Variants in MET observed in about 807,000 individuals in gnomAD.
The protein encoded by MET is hepatocyte growth factor receptor.
Under a neutral mutation model 133.1 loss-of-function variants are expected in MET, and 48 were observed. That is an observed-to-expected ratio of 0.36 (90% CI 0.29 to 0.46). The LOEUF (loss-of-function observed/expected upper bound fraction) is 0.46. Among genes scored for constraint, MET ranks in the 20% least tolerant of loss-of-function variants. The probability of loss-of-function intolerance (pLI) is 1.00; values close to 1 mark genes in which losing one functional copy is unlikely to be tolerated. For missense variants in MET, 1,442 were observed against 1,695.9 expected, an observed-to-expected ratio of 0.85 and a Z score of 2.63; for synonymous variants, 628 against 616.5, an observed-to-expected ratio of 1.02 and a Z score of -0.28.
chr7:116,735,560 G>A (rs1793179646), intron 3 of MET, among the ~76,000 whole-genome samples: 1 of 152,124 alleles, frequency 6.6e-6, no homozygotes, highest in Non-Finnish European at 1.5e-5. Flanking sequence ...TGGAATTACT[G>A]CCATTTTAGA....
At chr7:116,753,347 C>G (rs1794002906) in intron 5 of MET, among the ~76,000 whole-genome samples, 1 of 152,174 alleles carries the variant, frequency 6.6e-6, no homozygotes, top group South Asian at 2.1e-4. Flanking sequence ...TACAATATGT[C>G]CCCACCCCCA....
intron 1 of MET, among the ~76,000 whole-genome samples, chr7:116,687,483 T>C (rs1459452972): frequency 2.0e-5 from 3 of 152,226 alleles, no homozygotes; most frequent in African/African-American, 7.2e-5. Context: ...CATATACTTT[T>C]AATTCTTCTT....
intron 1 of MET, among the ~76,000 whole-genome samples, chr7:116,681,777 G>C (rs1400061840): frequency 1.3e-5 from 2 of 152,132 alleles, no homozygotes; most frequent in African/African-American, 4.8e-5. Flanking sequence ...ACAACCATCT[G>C]GTTAATACAA....
chr7:116,745,968 G>A (rs553086613), intron 5 of MET, among the ~76,000 whole-genome samples: 1 of 152,130 alleles, frequency 6.6e-6, no homozygotes, highest in Non-Finnish European at 1.5e-5. Context: ...CACAGCAAAA[G>A]AAACTACCAT....
chr7:116,786,571 C>T lies in MET; in HGVS notation c.3798+3102C>T, dbSNP rs143639433. Among the ~76,000 whole-genome samples, 38 of 152,192 alleles carry T rather than the reference C, an allele frequency of 2.5e-4. No individual in the cohort carries two copies. In the East Asian group the frequency reaches 7.0e-3, roughly 28 times the overall value. On this transcript the variant is annotated intron_variant, in intron 19 of 20. Coordinates refer to ENST00000397752, the MANE Select transcript of MET (RefSeq NM_000245.4). The stretch of plus-strand genomic sequence containing the variant: ...CAGAGTCCACTGCTACTCAGTACAC[C>T]AGAAGGGTCTTGGAAGCTGAGTAAC...
chr7:116,719,255 AT>A (rs1158107700), intron 2 of MET, among the ~76,000 whole-genome samples: 7 of 147,492 alleles, frequency 4.7e-5, no homozygotes. Context: ...GATGATGAGC[AT>A]TTTTTCATGT....
chr7:116,737,505 A>T (rs981743946), intron 3 of MET, among the ~76,000 whole-genome samples: 1 of 152,242 alleles, frequency 6.6e-6, no homozygotes, highest in Admixed American at 6.5e-5. Context: ...TAAGAGGTCA[A>T]GCACATGGAT....
chr7:116,788,824 G>A (rs574139717), intron 19 of MET, among the ~76,000 whole-genome samples: 3 of 152,238 alleles, frequency 2.0e-5, no homozygotes, highest in Non-Finnish European at 4.4e-5. Flanking sequence ...CTTGTAGATT[G>A]GGTTTTCTTT....
chr7:116,740,839 C>T lies in MET; in HGVS notation c.1528-13C>T, dbSNP rs751613983. 8 of 1,613,908 alleles carry T rather than the reference C, an allele frequency of 5.0e-6. No individual in the cohort carries two copies. Among genetic ancestry groups the T allele is most frequent in the Non-Finnish European group, 6.8e-6 (8 of 1,180,004 alleles). On this transcript the variant is annotated splice_polypyrimidine_tract_variant and intron_variant, in intron 4 of 20. Transcript: ENST00000397752. Reference sequence around the variant, plus strand: ...ACCCCTCTGGAAGCTCTTTCCACCCCTTCTCTTCACAGATCACGAAGATCC... The same window carrying T: ...ACCCCTCTGGAAGCTCTTTCCACCCTTTCTCTTCACAGATCACGAAGATCC...
chr7:116,682,311 G>A (rs539397126), intron 1 of MET, among the ~76,000 whole-genome samples: 1 of 152,172 alleles, frequency 6.6e-6, no homozygotes, highest in Non-Finnish European at 1.5e-5. Context: ...CAGGATCAAG[G>A]TTCCTTCATA....
intron 2 of MET, among the ~76,000 whole-genome samples, chr7:116,703,992 C>A (rs912685270): frequency 2.0e-5 from 3 of 152,110 alleles, no homozygotes; most frequent in Non-Finnish European, 2.9e-5. Context: ...AGACCTGTAG[C>A]AAGTATTTTC....
At chr7:116,680,826 C>T (rs975971420) in intron 1 of MET, among the ~76,000 whole-genome samples, 2 of 151,986 alleles carry the variant, frequency 1.3e-5, no homozygotes, top group African/African-American at 4.8e-5. Flanking sequence ...CTTGCAGTCC[C>T]AGCTACTCAG....
chr7:116,699,006 G>C, intron 1 of MET, 65 bp from the exon 2 acceptor site: 2 of 1,606,382 alleles, frequency 1.2e-6, no homozygotes, highest in Non-Finnish European at 1.7e-6. Context: ...AAATGGTATA[G>C]GTCTTTCAGT....
chr7:116,726,711 A>T (rs1276397391), intron 2 of MET, among the ~76,000 whole-genome samples: 1 of 152,208 alleles, frequency 6.6e-6, no homozygotes, highest in East Asian at 1.9e-4. Flanking sequence ...ACCTTGCCTT[A>T]CACCTTAAGG....
intron 2 of MET, among the ~76,000 whole-genome samples, chr7:116,712,392 C>T (rs944243856): frequency 6.6e-6 from 1 of 152,150 alleles, no homozygotes. Context: ...ACAGTTCCAT[C>T]GTTAGCCCCC....
At position 116,699,314 on chromosome 7, in the gene MET, A is replaced by C. The variant is rs761221409; in HGVS notation, c.230A>C (p.Asp77Ala). The C allele has an allele frequency of 1.9e-6, 3 of 1,614,030 alleles. No individual in the cohort carries two copies. Among genetic ancestry groups the C allele is most frequent in the Non-Finnish European group, 2.5e-6 (3 of 1,179,956 alleles). ...TACATTTATGTTTTAAATGAGGAAG[A>C]CCTTCAGAAGGTTGCTGAGTACAAG... ...TNYIYVLNEE[D>A]LQKVAEYKTG... The change falls in exon 2 of 21, where the codon GAC becomes GCC. Residue 77 changes from aspartate to alanine, a missense_variant. By Grantham distance (126) the Asp-to-Ala change is moderately radical. Transcript: ENST00000397752.
intron 5 of MET, 42 bp downstream of exon 5, chr7:116,741,067 G>GTTTTTTTTTTTTTTTTTGTTTT: frequency 1.5e-6 from 2 of 1,348,784 alleles, no homozygotes; most frequent in African/African-American, 1.8e-5. Flanking sequence ...TTTGTTTGGT[G>GTTTTTTTTTTTTTTTTTGTTTT]TTTTTTTTTT....
At chr7:116,692,248 T>G (rs1796802804) in intron 1 of MET, among the ~76,000 whole-genome samples, 1 of 152,118 alleles carries the variant, frequency 6.6e-6, no homozygotes, top group Non-Finnish European at 1.5e-5. Flanking sequence ...TTAGAAGAGA[T>G]GATGGAGCTG....
intron 1 of MET, among the ~76,000 whole-genome samples, chr7:116,680,093 G>C (rs1047843178): frequency 6.6e-6 from 1 of 150,994 alleles, no homozygotes; most frequent in Admixed American, 6.6e-5. Context: ...GGGCGGGGGG[G>C]TAAAAGGAAA....
Sources: gnomAD v4.1 joint callset for allele counts (sites outside exome capture counted in the v4.1 genomes callset) on GRCh38, gnomAD v4.1.1 for gene constraint, MANE v1.5 for transcripts, NCBI Gene and HGNC (gene_info 2026-07-23, HGNC 2026-07-21) for gene names.